Variants in YIPF1 observed in about 807,000 individuals in gnomAD.
YIPF1 encodes Yip1 domain family member 1, also known as protein YIPF1.
YIPF1 carries 22 observed loss-of-function variants against 37.0 expected under a neutral mutation model. The observed-to-expected ratio is 0.59, with a 90% CI of 0.42 to 0.85. The LOEUF is 0.85. Among genes scored for constraint, YIPF1 ranks in the 40% least tolerant of loss-of-function variants. The pLI is 0.00. For synonymous variants in YIPF1, 128 were observed against 131.9 expected (o/e 0.97, Z 0.21); for missense variants, 355 against 373.1 (o/e 0.95, Z 0.40).
At chr1:53,855,929 C>T (rs182298578) in intron 10 of YIPF1, among the ~76,000 whole-genome samples, 7 of 152,272 alleles carry the variant, frequency 4.6e-5, no homozygotes, top group East Asian at 3.9e-4. Context: ...CCTGGGAATG[C>T]GCTCTAGGCT....
rs1022869425 is a variant in YIPF1 at position 53,871,271 on chromosome 1, G to A, written c.481+101C>T. 1.0e-5 allele frequency: 10 copies of A among 960,088 alleles called. No individual in the cohort carries two copies. The African/African-American group carries it at 1.6e-4, about 16-fold the overall frequency. The allele number at this position is 960,088 out of a possible 1,614,324, so 59.5% of individuals were successfully genotyped here. ...CATTGAACCCTAAAACACAAAAGCA[G>A]GGCTGCAGCATCTAGAGATGGGGCC... On this transcript the variant is annotated intron_variant, in intron 7 of 10. Coordinates refer to ENST00000072644, the MANE Select transcript of YIPF1 (RefSeq NM_018982.5).
At chr1:53,883,564 T>C (rs1292355276) in intron 3 of YIPF1, among the ~76,000 whole-genome samples, 1 of 152,184 alleles carries the variant, frequency 6.6e-6, no homozygotes, top group African/African-American at 2.4e-5. Flanking sequence ...CCTCTAAACC[T>C]CAGTGTTTTC....
In YIPF1 at chr1:53,866,785, A is replaced by C. The variant is rs1650036320; in HGVS notation, c.621T>G (p.Tyr207Ter). ...CGGTGGGGATATAAATGAAGAGGGAATATCCATAGACACACACAATCTCCA... is the reference window on the plus strand; with the variant it reads ...CGGTGGGGATATAAATGAAGAGGGACTATCCATAGACACACACAATCTCCA... ...SFLEIVCVYG[Y>*]SLFIYIPTAI... is the part of the protein sequence containing the mutation. The change falls in exon 8 of 11, where the codon TAT (tyrosine) becomes TAG (stop). Residue 207 changes from tyrosine (Y) to a stop codon, truncating the protein, a stop_gained. Coordinates refer to ENST00000072644, the MANE Select transcript of YIPF1 (RefSeq NM_018982.5). LOFTEE classifies it high-confidence loss of function. 6.2e-7 allele frequency: 1 copy of C among 1,614,088 alleles called. No homozygotes were observed. Among genetic ancestry groups the C allele is most frequent in the Non-Finnish European group, 8.5e-7 (1 of 1,179,968 alleles).
intron 6 of YIPF1, among the ~76,000 whole-genome samples, chr1:53,876,420 T>C (rs1355169617): frequency 2.0e-5 from 3 of 152,226 alleles, no homozygotes; most frequent in Non-Finnish European, 2.9e-5. Flanking sequence ...CATCTTTTTC[T>C]TAACTGCCTT....
intron 3 of YIPF1, 99 bp downstream of exon 3, chr1:53,888,808 A>G: frequency 8.5e-7 from 1 of 1,173,022 alleles, no homozygotes; most frequent in Non-Finnish European, 1.2e-6. Context: ...GTTTGAAATA[A>G]TATCCTTCAA....
chr1:53,886,442 C>G (rs1650653945), intron 3 of YIPF1, among the ~76,000 whole-genome samples: 1 of 151,958 alleles, frequency 6.6e-6, no homozygotes, highest in Admixed American at 6.5e-5. Context: ...ATATCCTAAG[C>G]TAGTTTCAGC....
intron 9 of YIPF1, among the ~76,000 whole-genome samples, chr1:53,864,246 G>C (rs1356507518): frequency 6.6e-6 from 1 of 152,222 alleles, no homozygotes; most frequent in African/African-American, 2.4e-5. Flanking sequence ...GCCAGTGAGA[G>C]TTGGTCACAA....
At chr1:53,869,330 TTG>T (rs140880938) in intron 7 of YIPF1, among the ~76,000 whole-genome samples, 9 of 151,412 alleles carry the variant, frequency 5.9e-5, no homozygotes, top group South Asian at 2.1e-4. Flanking sequence ...GCACATATTT[TTG>T]TGTGTGTGTG....
intron 3 of YIPF1, among the ~76,000 whole-genome samples, chr1:53,885,261 G>C (rs535051543): frequency 6.6e-6 from 1 of 152,284 alleles, no homozygotes; most frequent in Admixed American, 6.5e-5. Context: ...TAAAAAGATA[G>C]TCACAACTTT....
chr1:53,864,787 C>A (rs1043539378), intron 9 of YIPF1, among the ~76,000 whole-genome samples: 2 of 152,100 alleles, frequency 1.3e-5, no homozygotes, highest in African/African-American at 2.4e-5. Flanking sequence ...ACAGAAGACA[C>A]AAAACCATGT....
chr1:53,860,678 T>C (rs1649847525), intron 9 of YIPF1, among the ~76,000 whole-genome samples: 1 of 152,238 alleles, frequency 6.6e-6, no homozygotes, highest in Non-Finnish European at 1.5e-5. Flanking sequence ...ATTAGCTTGC[T>C]GCTAAACTAG....
intron 5 of YIPF1, 85 bp from the exon 6 acceptor site, chr1:53,878,487 G>A: frequency 2.0e-6 from 3 of 1,504,232 alleles, no homozygotes; most frequent in Non-Finnish European, 2.7e-6. Flanking sequence ...TCAGTCATTA[G>A]AGCTTTTATG....
chr1:53,868,606 G>T (rs1288641668), intron 7 of YIPF1, among the ~76,000 whole-genome samples: 2 of 152,200 alleles, frequency 1.3e-5, no homozygotes, highest in African/African-American at 2.4e-5. Flanking sequence ...TTTTAGAGAT[G>T]AGGAAAAGGG....
At chr1:53,862,009 C>A (rs1432223001) in intron 9 of YIPF1, among the ~76,000 whole-genome samples, 1 of 152,134 alleles carries the variant, frequency 6.6e-6, no homozygotes, top group African/African-American at 2.4e-5. Flanking sequence ...GGGAAACTGA[C>A]TCAAAAAGAA....
intron 9 of YIPF1, among the ~76,000 whole-genome samples, chr1:53,860,391 C>A (rs1484450993): frequency 1.3e-5 from 2 of 152,180 alleles, no homozygotes; most frequent in Non-Finnish European, 1.5e-5. Context: ...ATGACTTACT[C>A]TTAATAACCC....
intron 6 of YIPF1, among the ~76,000 whole-genome samples, chr1:53,872,693 C>A (rs1650225431): frequency 6.6e-6 from 1 of 152,190 alleles, no homozygotes; most frequent in Admixed American, 6.5e-5. Flanking sequence ...ACGAACATTA[C>A]TGTCATAGGT....
At chr1:53,884,543 A>T (rs1454548099) in intron 3 of YIPF1, among the ~76,000 whole-genome samples, 1 of 152,356 alleles carries the variant, frequency 6.6e-6, no homozygotes, top group East Asian at 1.9e-4. Context: ...ACTGCATAAT[A>T]TTCCATCAAT....
At chr1:53,873,210 G>A (rs1158608266) in intron 6 of YIPF1, among the ~76,000 whole-genome samples, 2 of 152,136 alleles carry the variant, frequency 1.3e-5, no homozygotes, top group Non-Finnish European at 2.9e-5. Flanking sequence ...CCGGGGAGAC[G>A]ATCAATAAAA....
At chr1:53,885,199 T>C (rs1650612791) in intron 3 of YIPF1, among the ~76,000 whole-genome samples, 2 of 152,164 alleles carry the variant, frequency 1.3e-5, no homozygotes, top group Non-Finnish European at 2.9e-5. Flanking sequence ...GATGATGAAA[T>C]AATAACTATC....
Sources: gnomAD v4.1 joint callset for allele counts (sites outside exome capture counted in the v4.1 genomes callset) on GRCh38, gnomAD v4.1.1 for gene constraint, MANE v1.5 for transcripts, NCBI Gene and HGNC (gene_info 2026-07-23, HGNC 2026-07-21) for gene names.